NRG3: variants seen among roughly 807,000 people sequenced by gnomAD.
NRG3 encodes neuregulin 3.
NRG3 carries 31 observed loss-of-function variants against 66.9 expected under a neutral mutation model. The observed-to-expected ratio is 0.46, with a 90% CI of 0.35 to 0.63. The LOEUF is 0.63. NRG3 is among the 20% of genes least tolerant of loss of function. The probability of loss-of-function intolerance (pLI) is 0.00; values close to 1 mark genes in which losing one functional copy is unlikely to be tolerated. For synonymous variants in NRG3, 393 were observed against 359.4 expected (o/e 1.09, Z -1.06); for missense variants, 910 against 878.9 (o/e 1.04, Z -0.45).
chr10:82,230,572 T>C (rs1050912296), intron 1 of NRG3, among the ~76,000 whole-genome samples: 2 of 151,696 alleles, frequency 1.3e-5, no homozygotes, highest in African/African-American at 2.4e-5. Flanking sequence ...AGAATCTAGT[T>C]GCCAGATTCC....
At chr10:82,437,154 C>G (rs1005073049) in intron 2 of NRG3, among the ~76,000 whole-genome samples, 4 of 151,864 alleles carry the variant, frequency 2.6e-5, no homozygotes, top group Non-Finnish European at 5.9e-5. Context: ...TCCATTCTCC[C>G]TTCTCCTTCT....
intron 1 of NRG3, among the ~76,000 whole-genome samples, chr10:82,278,793 C>T (rs1171838661): frequency 6.6e-6 from 1 of 152,118 alleles, no homozygotes; most frequent in Non-Finnish European, 1.5e-5. Context: ...CTGAGGGTCT[C>T]ATAGCTAAAA....
At chr10:82,233,636 CA>C (rs1409413240) in intron 1 of NRG3, among the ~76,000 whole-genome samples, 1 of 152,062 alleles carries the variant, frequency 6.6e-6, no homozygotes. Flanking sequence ...CTCTTTGCCC[CA>C]TGAATTTTCA....
chr10:82,833,566 C>G (rs954389928), intron 3 of NRG3, among the ~76,000 whole-genome samples: 3 of 152,182 alleles, frequency 2.0e-5, no homozygotes, highest in African/African-American at 7.2e-5. Flanking sequence ...ATCCATGTTC[C>G]CTGCCCTTCT....
intron 1 of NRG3, among the ~76,000 whole-genome samples, chr10:82,301,961 A>T (rs570797553): frequency 1.4e-4 from 21 of 151,922 alleles, no homozygotes; most frequent in African/African-American, 3.6e-4. Flanking sequence ...CTACCTTTTG[A>T]TATGAAAATT....
chr10:82,777,700 T>A (rs1208093396), intron 3 of NRG3, among the ~76,000 whole-genome samples: 2 of 152,060 alleles, frequency 1.3e-5, no homozygotes, highest in Non-Finnish European at 2.9e-5. Flanking sequence ...GCAATTTAGA[T>A]CCTGGAAGCA....
chr10:81,941,300 A>G (rs1848384217), intron 1 of NRG3, among the ~76,000 whole-genome samples: 1 of 151,988 alleles, frequency 6.6e-6, no homozygotes, highest in Non-Finnish European at 1.5e-5. Context: ...TTTAGTAATC[A>G]CTTCTCCATC....
At chr10:82,709,277 G>T (rs1434901100) in intron 2 of NRG3, among the ~76,000 whole-genome samples, 1 of 152,158 alleles carries the variant, frequency 6.6e-6, no homozygotes, top group Non-Finnish European at 1.5e-5. Flanking sequence ...AGTTCTATCG[G>T]ATGGTGTGAC....
At chr10:82,716,979 ATAAGT>A (rs2057010292) in intron 2 of NRG3, among the ~76,000 whole-genome samples, 1 of 152,202 alleles carries the variant, frequency 6.6e-6, no homozygotes, top group African/African-American at 2.4e-5. Context: ...ATCAGTGAAA[ATAAGT>A]TTATTAATAT....
intron 1 of NRG3, among the ~76,000 whole-genome samples, chr10:82,163,592 G>A (rs963279090): frequency 1.3e-5 from 2 of 152,174 alleles, no homozygotes; most frequent in Non-Finnish European, 2.9e-5. Context: ...TCTCTGGTAT[G>A]TCAATGTAGG....
intron 3 of NRG3, among the ~76,000 whole-genome samples, chr10:82,796,910 A>T (rs910203487): frequency 6.6e-6 from 1 of 152,166 alleles, no homozygotes; most frequent in African/African-American, 2.4e-5. Flanking sequence ...CAAGGAAATT[A>T]TGCCATAAAG....
intron 1 of NRG3, among the ~76,000 whole-genome samples, chr10:81,976,770 T>A (rs4933268): frequency 2.0e-5 from 3 of 152,002 alleles, no homozygotes; most frequent in Admixed American, 6.6e-5. Flanking sequence ...CTTTCTTGGA[T>A]GTGAGCTAAT....
intron 3 of NRG3, among the ~76,000 whole-genome samples, chr10:82,808,232 T>A (rs778810611): frequency 2.0e-5 from 3 of 152,152 alleles, no homozygotes; most frequent in Non-Finnish European, 4.4e-5. Flanking sequence ...AAGTCGCTAT[T>A]TTGAATAAGC....
chr10:82,650,764 G>A (rs1391047757), intron 2 of NRG3, among the ~76,000 whole-genome samples: 1 of 152,120 alleles, frequency 6.6e-6, no homozygotes, highest in African/African-American at 2.4e-5. Flanking sequence ...TTGTTTATTT[G>A]CTATTTTTAC....
chr10:82,848,724 A>G (rs933710781), intron 3 of NRG3, among the ~76,000 whole-genome samples: 1 of 152,132 alleles, frequency 6.6e-6, no homozygotes, highest in South Asian at 2.1e-4. Context: ...CCCACATATC[A>G]TGGTGGGAGG....
intron 2 of NRG3, among the ~76,000 whole-genome samples, chr10:82,630,634 C>T (rs1266419203): frequency 3.3e-5 from 5 of 151,318 alleles, no homozygotes; most frequent in East Asian, 1.9e-4. Flanking sequence ...GCTGAGATCA[C>T]GCCACTGCAT....
chr10:82,380,189 C>T (rs1406196611), intron 2 of NRG3, among the ~76,000 whole-genome samples: 1 of 152,052 alleles, frequency 6.6e-6, no homozygotes, highest in African/African-American at 2.4e-5. Flanking sequence ...TAACTCATTT[C>T]TTAAAATGAC....
chr10:82,005,044 G>T (rs1240766563), intron 1 of NRG3, among the ~76,000 whole-genome samples: 3 of 152,236 alleles, frequency 2.0e-5, no homozygotes, highest in Non-Finnish European at 4.4e-5. Context: ...TGGAGGACCA[G>T]AATTATAAAT....
At chr10:81,924,689 C>T (rs562360665) in intron 1 of NRG3, among the ~76,000 whole-genome samples, 23 of 152,250 alleles carry the variant, frequency 1.5e-4, no homozygotes, top group African/African-American at 4.3e-4. Flanking sequence ...GAATTAATTT[C>T]GTTAGCCAAA....
Sources: gnomAD v4.1 joint callset for allele counts (sites outside exome capture counted in the v4.1 genomes callset) on GRCh38, gnomAD v4.1.1 for gene constraint, MANE v1.5 for transcripts, NCBI Gene and HGNC (gene_info 2026-07-23, HGNC 2026-07-21) for gene names.